Variants in OLFML2B observed in about 807,000 individuals in gnomAD.
OLFML2B encodes the protein olfactomedin-like protein 2B.
In OLFML2B, 57 loss-of-function variants were observed where a neutral mutation model predicts 74.9. The observed-to-expected ratio is 0.76, with a 90% CI of 0.61 to 0.95. OLFML2B has a LOEUF of 0.95. Among genes scored for constraint, OLFML2B ranks in the 40% least tolerant of loss-of-function variants. OLFML2B has a pLI of 0.00. For synonymous variants in OLFML2B, 388 were observed against 405.8 expected, an observed-to-expected ratio of 0.96 and a Z score of 0.53; for missense variants, 986 against 970.6, an observed-to-expected ratio of 1.02 and a Z score of -0.21.
At chr1:162,020,255 T>C in intron 1 of OLFML2B, 73 bp from the exon 2 acceptor site, 1 of 1,558,356 alleles carries the variant, frequency 6.4e-7, no homozygotes, top group Non-Finnish European at 8.7e-7. Context: ...AGGCTCTCCA[T>C]TTACTTAGTC....
intron 6 of OLFML2B, among the ~76,000 whole-genome samples, chr1:161,992,775 G>T (rs1689778894): frequency 6.6e-6 from 1 of 152,092 alleles, no homozygotes; most frequent in African/African-American, 2.4e-5. Context: ...GGTGTGGGTG[G>T]GTGATGCCCC....
Position 161,993,685 on chromosome 1 carries a change from G to T in OLFML2B, c.1474+4140C>A, listed in dbSNP as rs926580078. ...CGACCCCATCTGTGCTGGCGTACCTGGGCTGCCTTCCATTCCCTGCCCAAC... is the reference window on the plus strand; with the variant it reads ...CGACCCCATCTGTGCTGGCGTACCTTGGCTGCCTTCCATTCCCTGCCCAAC... On this transcript the variant is annotated intron_variant, in intron 6 of 7. Transcript: ENST00000294794. 2.0e-5 allele frequency among the ~76,000 whole-genome samples: 3 copies of T among 152,282 alleles called. No individual in the cohort carries two copies. In the East Asian group the frequency reaches 5.8e-4, roughly 29 times the overall value.
At chr1:162,009,527 C>A (rs1318338978) in intron 3 of OLFML2B, among the ~76,000 whole-genome samples, 3 of 152,220 alleles carry the variant, frequency 2.0e-5, no homozygotes. Flanking sequence ...TCTCCCATCC[C>A]CTTTTGGGTG....
chr1:161,998,212 C>T lies in OLFML2B; in HGVS notation c.1087G>A (p.Asp363Asn), dbSNP rs372550662. 401 of 1,613,860 alleles carry T rather than the reference C, an allele frequency of 2.5e-4. No homozygotes were observed. The highest frequency in any genetic ancestry group is 3.3e-4 in the Non-Finnish European group (385 of 1,180,018). ...CAGGGTGCGGTCCGAGCGTTCAGGT[C>T]GCTTGTCACAGCAGTGCTGTGTCCC... The part of the protein sequence containing the change: ...RQGHSTAVTS[D>N]LNARTAPWSS... The change falls in exon 6 of 8, where the codon GAC becomes AAC. Residue 363 changes from aspartate (D) to asparagine (N), a missense_variant. Physicochemically the swap from Asp to Asn is conservative, Grantham distance 23. Transcript: ENST00000294794.
chr1:162,005,781 T>C (rs1205925595), intron 4 of OLFML2B, among the ~76,000 whole-genome samples: 3 of 151,978 alleles, frequency 2.0e-5, no homozygotes, highest in African/African-American at 7.3e-5. Context: ...AGCATGTGCC[T>C]GTAGTCCTAG....
At chr1:162,009,052 T>C (rs1276805671) in intron 3 of OLFML2B, among the ~76,000 whole-genome samples, 2 of 152,168 alleles carry the variant, frequency 1.3e-5, no homozygotes, top group Non-Finnish European at 2.9e-5. Context: ...GGCGTTCACG[T>C]GCTCAGTGCT....
At chr1:162,006,841 C>A (rs576583010) in intron 3 of OLFML2B, among the ~76,000 whole-genome samples, 1 of 152,158 alleles carries the variant, frequency 6.6e-6, no homozygotes, top group Non-Finnish European at 1.5e-5. Flanking sequence ...ATTCCATTCA[C>A]TCGCATCCCA....
chr1:162,006,564 C>T, intron 3 of OLFML2B, 91 bp from the exon 4 acceptor site: 2 of 978,586 alleles, frequency 2.0e-6, no homozygotes, highest in Middle Eastern at 2.2e-4. Flanking sequence ...AGCACACAGA[C>T]ACAACAGACA....
At chr1:162,001,045 G>A (rs1363979787) in intron 4 of OLFML2B, among the ~76,000 whole-genome samples, 1 of 152,124 alleles carries the variant, frequency 6.6e-6, no homozygotes, top group African/African-American at 2.4e-5. Context: ...GCTCTCCTGA[G>A]CCACTGGATC....
At chr1:161,994,126 G>A (rs74501746) in intron 6 of OLFML2B, among the ~76,000 whole-genome samples, 1,833 of 152,368 alleles carry the variant, frequency 0.012, 24 homozygotes, top group Admixed American at 0.022. Flanking sequence ...AGCAAGTTGG[G>A]TTAGGAGCAT....
At position 162,006,392 on chromosome 1, in the gene OLFML2B, C is replaced by T; in HGVS notation, c.628G>A (p.Gly210Ser). The change falls in exon 4 of 8, where the codon GGC (glycine) becomes AGC (serine). Residue 210 changes from glycine to serine, a missense_variant. Gly to Ser is a moderately conservative substitution (Grantham distance 56). Coordinates refer to ENST00000294794, the MANE Select transcript of OLFML2B (RefSeq NM_015441.3). ...EEIRTEMNKR[G>S]KENCSENILD... ...ATGTTTTCAGAGCAATTTTCTTTGC[C>T]TCGCTTATTCATCTCGGTTCGAATT... 6.2e-7 allele frequency: 1 copy of T among 1,612,554 alleles called. No homozygotes were observed. The highest frequency in any genetic ancestry group is 8.5e-7 in the Non-Finnish European group (1 of 1,179,584).
intron 1 of OLFML2B, 74 bp downstream of exon 1, chr1:162,023,183 T>C: frequency 7.2e-7 from 1 of 1,395,922 alleles, no homozygotes; most frequent in Middle Eastern, 1.9e-4. Flanking sequence ...CCTCAAACAC[T>C]TCAGCAAGGA....
At chr1:162,007,495 AG>A (rs1198627616) in intron 3 of OLFML2B, among the ~76,000 whole-genome samples, 1 of 152,230 alleles carries the variant, frequency 6.6e-6, no homozygotes, top group Non-Finnish European at 1.5e-5. Context: ...CTCATTCTAA[AG>A]TTTCCATGAG....
intron 3 of OLFML2B, among the ~76,000 whole-genome samples, chr1:162,011,588 C>A (rs899422126): frequency 1.3e-5 from 2 of 152,242 alleles, no homozygotes; most frequent in Non-Finnish European, 2.9e-5. Flanking sequence ...GAGAGACAGG[C>A]AGGCCTGGGT....
In OLFML2B at chr1:162,000,186, C is replaced by G; in HGVS notation, c.876G>C (p.Gln292His). The G allele has an allele frequency of 6.2e-7, 1 of 1,613,764 alleles. No individual in the cohort carries two copies. The highest frequency in any genetic ancestry group is 1.1e-5 in the South Asian group (1 of 91,062). Residue 292 changes from glutamine to histidine, a missense_variant, in exon 5 of 8, where the codon CAG becomes CAC. Transcript: ENST00000294794. ...AGGTGATGCCCCGGATGACAGTGGG[C>G]TGGGAGGCCGGCCGGCCTCTCAGGT... ...QVHLRGRPAS[Q>H]PTVIRGITYY...
At chr1:161,999,578 GAAGAC>G (rs1558059403) in intron 5 of OLFML2B, among the ~76,000 whole-genome samples, 1 of 152,134 alleles carries the variant, frequency 6.6e-6, no homozygotes, top group Non-Finnish European at 1.5e-5. Context: ...GGAAAAGAAA[GAAGAC>G]AAGAGGAGGA....
chr1:161,992,720 C>A (rs1377647970), intron 6 of OLFML2B, among the ~76,000 whole-genome samples: 3 of 152,260 alleles, frequency 2.0e-5, no homozygotes, highest in Non-Finnish European at 4.4e-5. Flanking sequence ...GGGGGAGCAG[C>A]AGATCACACA....
At chr1:161,993,543 T>C (rs1167293391) in intron 6 of OLFML2B, among the ~76,000 whole-genome samples, 1 of 152,218 alleles carries the variant, frequency 6.6e-6, no homozygotes, top group African/African-American at 2.4e-5. Context: ...CAAATCTGAA[T>C]ATTGTTTCCA....
intron 1 of OLFML2B, among the ~76,000 whole-genome samples, chr1:162,021,492 G>A (rs928130372): frequency 6.6e-6 from 1 of 152,216 alleles, no homozygotes; most frequent in Non-Finnish European, 1.5e-5. Flanking sequence ...GCAGGCAGAA[G>A]GGTTCCCTTC....
Sources: allele counts gnomAD v4.1 joint callset (sites outside exome capture counted in the v4.1 genomes callset), GRCh38; gene constraint gnomAD v4.1.1; transcripts MANE v1.5; gene names NCBI Gene and HGNC (gene_info 2026-07-23, HGNC 2026-07-21).